WHRN: variants seen among roughly 807,000 people sequenced by gnomAD.
The protein encoded by WHRN is CASK-interacting protein CIP98.
Under a neutral mutation model 68.3 loss-of-function variants are expected in WHRN, and 41 were observed. That is an observed-to-expected ratio of 0.60 (90% CI 0.47 to 0.78). The LOEUF (loss-of-function observed/expected upper bound fraction) is 0.78, where lower values mean the gene tolerates loss of function less well. WHRN is among the 30% of genes least tolerant of loss of function. WHRN has a pLI of 0.00. For synonymous variants in WHRN, 560 were observed against 561.3 expected (o/e 1.00, Z 0.03); for missense variants, 1,243 against 1,244.7 (o/e 1.00, Z 0.02).
rs544030486 is a variant in WHRN at position 114,499,102 on chromosome 9, G to C, written c.618+5082C>G. On this transcript the variant is annotated intron_variant, in intron 1 of 11. Transcript: ENST00000362057. ...TGTATCTTCTGTTCAATTTTGCTGTGAACCGAAAACTGCTTTAATAAATAG... is the reference window on the plus strand; with the variant it reads ...TGTATCTTCTGTTCAATTTTGCTGTCAACCGAAAACTGCTTTAATAAATAG... Among the ~76,000 whole-genome samples, 7 of 152,272 alleles carry C rather than the reference G, an allele frequency of 4.6e-5. No individual in the cohort carries two copies. The South Asian group carries it at 1.2e-3, about 27-fold the overall frequency.
rs1296243460 is a variant in WHRN, at chr9:114,406,779, T to C, written c.1812A>G (p.Arg604=). The C allele has an allele frequency of 6.2e-7, 1 of 1,614,000 alleles. No individual in the cohort carries two copies. The highest frequency in any genetic ancestry group is 1.1e-5 in the South Asian group (1 of 91,060). ...TGGAGGAAGGTGGCTGGAGGTCCTC[T>C]CTCCCCAGCTTCCTTGGCTGGCCTA... ...LPLGQPRKLG[R]EDLQPPSSMP... is the part of the protein sequence containing the mutation. Residue 604 remains arginine (R), a synonymous_variant, in exon 9 of 12, where the codon AGA becomes AGG. Transcript: ENST00000362057.
chr9:114,441,328 T>A (rs1177098944), intron 3 of WHRN, among the ~76,000 whole-genome samples: 1 of 152,202 alleles, frequency 6.6e-6, no homozygotes, highest in Non-Finnish European at 1.5e-5. Flanking sequence ...CTCTAAGCCC[T>A]GCATTGTTTA....
intron 1 of WHRN, among the ~76,000 whole-genome samples, chr9:114,489,332 C>T (rs1842777342): frequency 6.6e-6 from 1 of 152,066 alleles, no homozygotes; most frequent in Non-Finnish European, 1.5e-5. Context: ...TTTACCTCTC[C>T]TGAAGTTACC....
intron 4 of WHRN, chr9:114,425,284 A>G (rs907440353): frequency 2.2e-5 from 14 of 634,120 alleles, no homozygotes; most frequent in African/African-American, 5.5e-5. Flanking sequence ...GTTGTTGCCA[A>G]CCCCGCAGGA....
intron 3 of WHRN, among the ~76,000 whole-genome samples, chr9:114,448,765 G>T (rs572178851): frequency 6.6e-6 from 1 of 152,192 alleles, no homozygotes; most frequent in Non-Finnish European, 1.5e-5. Flanking sequence ...AGGCACAGGA[G>T]GAAACAGGCT....
chr9:114,485,770 AGAGGCAGGAGGATTACTT>A (rs55638272), intron 1 of WHRN, among the ~76,000 whole-genome samples: 47,110 of 151,802 alleles, frequency 0.31, 8,074 homozygotes, highest in Non-Finnish European at 0.38. Flanking sequence ...TTTGGGGGAC[AGAGGCAGGAGGATTACTT>A]GAGGCCAGGA....
chr9:114,405,254 T>A (rs1276424955), intron 9 of WHRN, among the ~76,000 whole-genome samples: 1 of 151,918 alleles, frequency 6.6e-6, no homozygotes, highest in African/African-American at 2.4e-5. Context: ...GTATCTTTAG[T>A]AGAAATGGGG....
At chr9:114,480,062 CA>C (rs1472985449) in intron 1 of WHRN, among the ~76,000 whole-genome samples, 1 of 151,424 alleles carries the variant, frequency 6.6e-6, no homozygotes, top group Admixed American at 6.6e-5. Context: ...GACTCCTTCT[CA>C]AAAAAATAGT....
intron 3 of WHRN, among the ~76,000 whole-genome samples, chr9:114,444,175 G>T (rs1000259253): frequency 1.3e-4 from 20 of 152,170 alleles, no homozygotes; most frequent in African/African-American, 4.8e-4. Flanking sequence ...GGGTTAGTGG[G>T]GCATCTGGCA....
chr9:114,436,332 G>A (rs1189043878), intron 3 of WHRN, among the ~76,000 whole-genome samples: 1 of 152,162 alleles, frequency 6.6e-6, no homozygotes, highest in East Asian at 1.9e-4. Flanking sequence ...CCAATGAACT[G>A]TGAACCCTTA....
intron 2 of WHRN, among the ~76,000 whole-genome samples, chr9:114,466,963 C>T (rs1288679652): frequency 6.7e-6 from 1 of 149,812 alleles, no homozygotes; most frequent in Non-Finnish European, 1.5e-5. Context: ...GGTCTCCTGT[C>T]TCCCCAAGGG....
intron 1 of WHRN, among the ~76,000 whole-genome samples, chr9:114,489,498 ACACACG>A (rs968055427): frequency 9.3e-5 from 11 of 118,064 alleles, no homozygotes; most frequent in East Asian, 4.6e-4. Context: ...ACGTACACAC[ACACACG>A]CACACACGCG....
At chr9:114,408,089 C>T in intron 7 of WHRN, 71 bp from the exon 8 acceptor site, 1 of 1,324,368 alleles carries the variant, frequency 7.6e-7, no homozygotes, top group East Asian at 2.5e-5. Flanking sequence ...TTCTCCAGCA[C>T]ACCAAAATTG....
chr9:114,403,780 T>C, intron 10 of WHRN, 116 bp downstream of exon 10: 1 of 1,305,742 alleles, frequency 7.7e-7, no homozygotes, highest in Non-Finnish European at 1.1e-6. Flanking sequence ...TATAGGGAGC[T>C]CACTACCTCC....
At chr9:114,429,328 C>G (rs1837194663) in intron 3 of WHRN, among the ~76,000 whole-genome samples, 2 of 152,220 alleles carry the variant, frequency 1.3e-5, no homozygotes, top group Non-Finnish European at 1.5e-5. Context: ...AAGCAAAGCA[C>G]TATGGCTAAT....
chr9:114,476,513 C>T (rs568875641), intron 2 of WHRN, among the ~76,000 whole-genome samples: 11 of 152,214 alleles, frequency 7.2e-5, no homozygotes, highest in Middle Eastern at 3.4e-3. Context: ...CAAAACAGCC[C>T]GTACCTCCCT....
intron 1 of WHRN, among the ~76,000 whole-genome samples, chr9:114,500,856 T>A (rs1843861509): frequency 6.6e-6 from 1 of 152,222 alleles, no homozygotes; most frequent in African/African-American, 2.4e-5. Context: ...GTACAGTGTA[T>A]AACCCATCAA....
At chr9:114,465,389 C>G (rs1418141350) in intron 3 of WHRN, among the ~76,000 whole-genome samples, 2 of 152,200 alleles carry the variant, frequency 1.3e-5, no homozygotes, top group Non-Finnish European at 2.9e-5. Context: ...CACCAACAGT[C>G]AGACACGCAT....
At chr9:114,485,527 C>T (rs1045254360) in intron 1 of WHRN, among the ~76,000 whole-genome samples, 2 of 150,824 alleles carry the variant, frequency 1.3e-5, no homozygotes, top group African/African-American at 2.4e-5. Flanking sequence ...CACGTCTCTA[C>T]TAAAAATACA....
Sources: gnomAD v4.1 joint callset for allele counts (sites outside exome capture counted in the v4.1 genomes callset) on GRCh38, gnomAD v4.1.1 for gene constraint, MANE v1.5 for transcripts, NCBI Gene and HGNC (gene_info 2026-07-23, HGNC 2026-07-21) for gene names.